PKHD1L1: variants seen among roughly 807,000 people sequenced by gnomAD.
PKHD1L1 encodes PKHD1 like 1, also known as fibrocystin-L.
PKHD1L1 carries 434 observed loss-of-function variants against 462.9 expected under a neutral mutation model. The observed-to-expected ratio is 0.94, with a 90% CI of 0.87 to 1.02. The LOEUF is 1.02. PKHD1L1 is among the 50% of genes least tolerant of loss of function. The probability of loss-of-function intolerance (pLI) is 0.00; values close to 1 mark genes in which losing one functional copy is unlikely to be tolerated. For synonymous variants in PKHD1L1, 1,781 were observed against 1,750.0 expected (o/e 1.02, Z -0.44); for missense variants, 5,202 against 5,096.1 (o/e 1.02, Z -0.63).
chr8:109,370,661 C>T (rs1811457423), intron 2 of PKHD1L1, among the ~76,000 whole-genome samples: 1 of 152,074 alleles, frequency 6.6e-6, no homozygotes, highest in South Asian at 2.1e-4. Context: ...CTACCCCCTA[C>T]CCCCAACCCA....
At position 109,498,593 on chromosome 8, in the gene PKHD1L1, A is replaced by G. The variant is rs1368850638; in HGVS notation, c.10711+20A>G. 2 of 1,609,760 alleles carry G rather than the reference A, an allele frequency of 1.2e-6. No homozygotes were observed. Among genetic ancestry groups the G allele is most frequent in the African/African-American group, 2.7e-5 (2 of 74,816 alleles). ...CATCAGGTGAAAAATTTGAAACTTT[A>G]ATGTTGTTGTTCATATGAGTGCATA... On this transcript the variant is annotated intron_variant, in intron 66 of 77. Coordinates refer to ENST00000378402, the MANE Select transcript of PKHD1L1 (RefSeq NM_177531.6).
rs150802787 is a variant in PKHD1L1, at chr8:109,534,237, C to T, written c.*4147C>T. Among the ~76,000 whole-genome samples, 56 of 152,302 alleles carry T rather than the reference C, an allele frequency of 3.7e-4. No homozygotes were observed. The highest frequency in any genetic ancestry group is 7.7e-4 in the East Asian group (4 of 5,182). ...CAGCACTCTGGGAGGCCAAGGCAGG[C>T]GGATCACGAGGTCAGGAGATCGAGA... On this transcript the variant is annotated 3_prime_UTR_variant, in exon 78 of 78. Transcript: ENST00000378402.
rs1241391168 is a variant in PKHD1L1, at chr8:109,445,208, C to A, written c.5339C>A (p.Ala1780Asp). Reference sequence around the variant, plus strand: ...TTGGGGACTGTTTTGGAGGACATTGCTGTTTTCATTGGAAATCAACAGTTC... The same window carrying A: ...TTGGGGACTGTTTTGGAGGACATTGATGTTTTCATTGGAAATCAACAGTTC... Reference protein sequence around the residue: ...EGLGTVLEDIAVFIGNQQFRA... With the variant: ...EGLGTVLEDIDVFIGNQQFRA... The change falls in exon 38 of 78, where the codon GCT (alanine) becomes GAT (aspartate). Residue 1780 changes from alanine (A) to aspartate (D), a missense_variant. Physicochemically the swap from Ala to Asp is moderately radical, Grantham distance 126 (BLOSUM62 -2). Around this residue, in one of 3 missense-constraint regions of PKHD1L1, gnomAD observed 4,497 missense variants for 4,336.8 expected, o/e 1.04. Transcript: ENST00000378402. 1 of 1,613,838 alleles carries A rather than the reference C, an allele frequency of 6.2e-7. No individual in the cohort carries two copies.
chr8:109,462,801 A>G (rs1329772062), intron 48 of PKHD1L1, among the ~76,000 whole-genome samples: 3 of 152,034 alleles, frequency 2.0e-5, no homozygotes, highest in Non-Finnish European at 2.9e-5. Context: ...CGGTCTCCCA[A>G]AGTGCTGGGA....
chr8:109,508,387 C>T, intron 70 of PKHD1L1, 123 bp downstream of exon 70: 1 of 1,022,588 alleles, frequency 9.8e-7, no homozygotes, highest in Non-Finnish European at 1.4e-6. Context: ...GTTTGCCTTC[C>T]ATTTGTAACA....
Position 109,491,776 on chromosome 8 carries a change from T to C in PKHD1L1, c.10115-97T>C. Reference sequence around the variant, plus strand: ...TGTCAGGCTCAAAGTAGAAAAATAATTTTATGGAAAAATCAAAAGACATTA... The same window carrying C: ...TGTCAGGCTCAAAGTAGAAAAATAACTTTATGGAAAAATCAAAAGACATTA... On this transcript the variant is annotated intron_variant, in intron 61 of 77. Transcript: ENST00000378402. 2.6e-6 allele frequency: 3 copies of C among 1,161,978 alleles called. No individual in the cohort carries two copies. In the South Asian group the frequency reaches 6.1e-5, roughly 24 times the overall value. The allele number at this position is 1,161,978 out of a possible 1,614,324, so 72.0% of individuals were successfully genotyped here. A position where few individuals can be genotyped will look rare whatever the true frequency, so the allele number is the denominator to read the frequency against.
chr8:109,473,885 A>G (rs890169936), intron 50 of PKHD1L1, among the ~76,000 whole-genome samples: 2 of 152,172 alleles, frequency 1.3e-5, no homozygotes, highest in African/African-American at 4.8e-5. Flanking sequence ...CTTTGTGAAG[A>G]TAGAGGCTTA....
At chr8:109,457,781 G>A (rs902229468) in intron 46 of PKHD1L1, among the ~76,000 whole-genome samples, 5 of 152,070 alleles carry the variant, frequency 3.3e-5, no homozygotes. Flanking sequence ...ATGTGTTTAG[G>A]TACATACAAC....
chr8:109,373,104 G>A (rs1185082171), intron 2 of PKHD1L1, among the ~76,000 whole-genome samples: 1 of 152,132 alleles, frequency 6.6e-6, no homozygotes, highest in Non-Finnish European at 1.5e-5. Context: ...TTGTCCTCTG[G>A]TAGAATTCGG....
chr8:109,453,757 T>C (rs1294837137), intron 43 of PKHD1L1, among the ~76,000 whole-genome samples: 1 of 152,180 alleles, frequency 6.6e-6, no homozygotes, highest in Non-Finnish European at 1.5e-5. Context: ...GGGTAAAAGT[T>C]CAAAGCTAAT....
intron 47 of PKHD1L1, 23 bp from the exon 48 acceptor site, chr8:109,461,744 TAATGA>T: frequency 1.3e-6 from 2 of 1,590,442 alleles, no homozygotes; most frequent in African/African-American, 1.3e-5. Context: ...ACAATTTTTT[TAATGA>T]TGCTTTAAAA....
intron 73 of PKHD1L1, among the ~76,000 whole-genome samples, chr8:109,520,821 T>G (rs1171755230): frequency 6.6e-6 from 1 of 152,154 alleles, no homozygotes; most frequent in African/African-American, 2.4e-5. Flanking sequence ...GTTAAGGTCT[T>G]TGGTTTCTAG....
chr8:109,492,079 A>G (rs1818858732), intron 62 of PKHD1L1, 85 bp downstream of exon 62: 3 of 1,091,498 alleles, frequency 2.7e-6, no homozygotes, highest in Admixed American at 3.3e-5. Flanking sequence ...TAACTAAAGG[A>G]GTGAATGCAC....
intron 20 of PKHD1L1, among the ~76,000 whole-genome samples, 192 bp downstream of exon 20, chr8:109,412,606 A>C (rs996713534): frequency 1.1e-4 from 16 of 151,962 alleles, no homozygotes; most frequent in African/African-American, 3.4e-4. Flanking sequence ...GATATATTCT[A>C]TATATATATG....
chr8:109,397,164 T>C lies in PKHD1L1; in HGVS notation c.922+1027T>C, dbSNP rs1315889758. On this transcript the variant is annotated intron_variant, in intron 11 of 77. Coordinates refer to ENST00000378402, the MANE Select transcript of PKHD1L1 (RefSeq NM_177531.6). ...ATGTTTATTTTGCATACGACTATCA[T>C]ACAGTTGATATGAAAAGAGAACATA... Among the ~76,000 whole-genome samples, 4 of 152,366 alleles carry C rather than the reference T, an allele frequency of 2.6e-5. No individual in the cohort carries two copies. The East Asian group carries it at 7.7e-4, about 29-fold the overall frequency.
At chr8:109,433,061 T>C (rs910704589) in intron 27 of PKHD1L1, 45 bp from the exon 28 acceptor site, 1 of 1,353,722 alleles carries the variant, frequency 7.4e-7, no homozygotes, top group Non-Finnish European at 1.0e-6. Context: ...CAACAGGTTT[T>C]ATTTTTCTAA....
At chr8:109,430,603 T>TAA (rs1221359554) in intron 27 of PKHD1L1, among the ~76,000 whole-genome samples, 2 of 152,174 alleles carry the variant, frequency 1.3e-5, no homozygotes, top group Non-Finnish European at 2.9e-5. Context: ...GCTTTGTGTC[T>TAA]GAGCAACTAA....
Position 109,456,258 on chromosome 8 carries a change from C to G in PKHD1L1, c.6875-4C>G. ...GAAATACTCAGTGTGTATGTTGGTT[C>G]TAGGTGTGCCTGTTCCTGTGACCTG... On this transcript the variant is annotated splice_polypyrimidine_tract_variant and splice_region_variant and intron_variant, in intron 45 of 77. Transcript: ENST00000378402. The G allele has an allele frequency of 1.2e-6, 2 of 1,610,730 alleles. No homozygotes were observed.
At chr8:109,404,196 A>C (rs571429339) in intron 14 of PKHD1L1, among the ~76,000 whole-genome samples, 9 of 152,192 alleles carry the variant, frequency 5.9e-5, no homozygotes, top group Non-Finnish European at 1.3e-4. Flanking sequence ...TCTTGAACAC[A>C]TTAAAATATT....
Sources: allele counts gnomAD v4.1 joint callset (sites outside exome capture counted in the v4.1 genomes callset), GRCh38; gene constraint gnomAD v4.1.1; regional missense constraint gnomAD v4.1.1; transcripts MANE v1.5; gene names NCBI Gene and HGNC (gene_info 2026-07-23, HGNC 2026-07-21).